Variants in TRPM8 observed in about 807,000 individuals in gnomAD.
TRPM8 encodes the protein TRPM8 cationic channel.
A neutral mutation model predicts 133.7 loss-of-function variants in TRPM8; 110 were observed. The ratio of observed to expected loss-of-function variants is 0.82; its 90% CI spans 0.70 to 0.96. TRPM8 has a LOEUF of 0.96. Among genes scored for constraint, TRPM8 ranks in the 40% least tolerant of loss-of-function variants. The pLI, the probability that TRPM8 is intolerant of heterozygous loss-of-function variation, is 0.00. For missense variants in TRPM8, 1,291 were observed against 1,379.5 expected (o/e 0.94, Z 1.02); for synonymous variants, 535 against 532.3 (o/e 1.01, Z -0.07).
chr2:233,948,606 G>T lies in TRPM8; in HGVS notation c.943-1343G>T, dbSNP rs1035810711. ...TGGAATGAAGATTTCTTGGCCTAGG[G>T]GGTAGGGGGAGACTGGAGAGCTGCT... is the stretch of plus-strand genomic sequence containing the variant. On this transcript the variant is annotated intron_variant, in intron 8 of 25. Coordinates refer to ENST00000324695, the MANE Select transcript of TRPM8 (RefSeq NM_024080.5). Among the ~76,000 whole-genome samples the T allele has an allele frequency of 5.9e-5, 9 of 152,326 alleles. No homozygotes were observed. In the South Asian group the frequency reaches 8.3e-4, roughly 14 times the overall value.
Position 234,014,583 on chromosome 2 carries a change from C to T in TRPM8, c.3286C>T (p.Leu1096=), listed in dbSNP as rs200301168. ...CAAGCTTAATGATCTCAAGGGTCTTCTGAAAGAGATTGCTAATAAAATCAA... is the reference window on the plus strand; with the variant it reads ...CAAGCTTAATGATCTCAAGGGTCTTTTGAAAGAGATTGCTAATAAAATCAA... ...DTKLNDLKGL[L]KEIANKIK is the part of the protein sequence containing the mutation. The change falls in exon 25 of 26, where the codon CTG becomes TTG. Residue 1096 remains leucine (L), a synonymous_variant. Transcript: ENST00000324695. The T allele has an allele frequency of 5.2e-6, 8 of 1,552,214 alleles. No homozygotes were observed. Among genetic ancestry groups the T allele is most frequent in the Non-Finnish European group, 6.9e-6 (8 of 1,152,172 alleles).
intron 2 of TRPM8, among the ~76,000 whole-genome samples, chr2:233,930,463 C>T (rs1318730965): frequency 1.3e-5 from 2 of 152,014 alleles, no homozygotes; most frequent in Non-Finnish European, 2.9e-5. Context: ...GAAAAATTTT[C>T]CATTTAGTTA....
intron 9 of TRPM8, among the ~76,000 whole-genome samples, chr2:233,950,489 C>T (rs575818300): frequency 6.6e-6 from 1 of 152,264 alleles, no homozygotes; most frequent in East Asian, 1.9e-4. Context: ...AACATATCAG[C>T]CTTACTGATG....
At chr2:233,927,860 C>CTCTTTCTTTT (rs1691583943) in intron 2 of TRPM8, among the ~76,000 whole-genome samples, 2 of 24,092 alleles carry the variant, frequency 8.3e-5, no homozygotes, top group Non-Finnish European at 6.7e-5. Context: ...TCCTTTCTTT[C>CTCTTTCTTTT]TCTTTCTTTC....
At chr2:233,975,326 G>C (rs1280487542) in intron 17 of TRPM8, among the ~76,000 whole-genome samples, 1 of 152,196 alleles carries the variant, frequency 6.6e-6, no homozygotes, top group African/African-American at 2.4e-5. Flanking sequence ...ACACTCAGGA[G>C]ACCAGCGCTG....
rs375681201 is a variant in TRPM8, at chr2:233,937,342, G to A, written c.192-11G>A. On this transcript the variant is annotated splice_polypyrimidine_tract_variant and intron_variant, in intron 3 of 25. Transcript: ENST00000324695. ...ATCCTTCCTTCCTGTCCACACCATC[G>A]TGCTTATCAGGGAGAATGTGTGCAA... 40 of 1,613,736 alleles carry A rather than the reference G, an allele frequency of 2.5e-5. No homozygotes were observed. Among genetic ancestry groups the A allele is most frequent in the African/African-American group, 2.4e-4 (18 of 74,958 alleles).
intron 11 of TRPM8, among the ~76,000 whole-genome samples, chr2:233,957,863 G>A (rs1691331139): frequency 6.6e-6 from 1 of 152,158 alleles, no homozygotes; most frequent in Non-Finnish European, 1.5e-5. Flanking sequence ...AGAACCAATG[G>A]TTCAGTGTTT....
chr2:233,996,881 T>A (rs939734684), intron 22 of TRPM8, among the ~76,000 whole-genome samples: 2 of 152,230 alleles, frequency 1.3e-5, no homozygotes, highest in Non-Finnish European at 2.9e-5. Flanking sequence ...AACCTTTAAA[T>A]CTGACTCCAG....
chr2:233,991,120 G>A (rs1692265741), intron 21 of TRPM8, among the ~76,000 whole-genome samples: 1 of 152,074 alleles, frequency 6.6e-6, no homozygotes, highest in South Asian at 2.1e-4. Context: ...TGTTAGTCTA[G>A]GGAGGAATCA....
chr2:233,963,344 T>A lies in TRPM8; in HGVS notation c.1716T>A (p.Asn572Lys), dbSNP rs774061112. ...TCTTCATCTGGGCCATTCTTCAGAATAAGAAGGAACTCTCCAAAGTCATTT... is the reference window on the plus strand; with the variant it reads ...TCTTCATCTGGGCCATTCTTCAGAAAAAGAAGGAACTCTCCAAAGTCATTT... ...QALFIWAILQNKKELSKVIWE... is the reference protein window; with the variant it reads ...QALFIWAILQKKKELSKVIWE... The change falls in exon 13 of 26, where the codon AAT (asparagine) becomes AAA (lysine). Residue 572 changes from asparagine to lysine, a missense_variant. By Grantham distance (94) the Asn-to-Lys change is moderately conservative (BLOSUM62 0). This residue lies in a region of TRPM8 where 963 missense variants were observed against 968.9 expected (regional missense o/e 0.99). Transcript: ENST00000324695. The A allele has an allele frequency of 1.2e-6, 2 of 1,613,444 alleles. No individual in the cohort carries two copies. Among genetic ancestry groups the A allele is most frequent in the Non-Finnish European group, 8.5e-7 (1 of 1,179,678 alleles).
chr2:234,011,034 A>G (rs1403233135), intron 24 of TRPM8, among the ~76,000 whole-genome samples: 6 of 152,216 alleles, frequency 3.9e-5, no homozygotes, highest in African/African-American at 1.4e-4. Context: ...GTCATATCCA[A>G]AAAAATCATT....
intron 5 of TRPM8, among the ~76,000 whole-genome samples, chr2:233,940,714 G>A (rs1000380128): frequency 6.6e-5 from 10 of 152,210 alleles, no homozygotes; most frequent in Non-Finnish European, 1.5e-4. Context: ...CCCGCTGTAC[G>A]TGCATGCAGT....
chr2:233,953,672 C>T lies in TRPM8; in HGVS notation c.1141-245C>T, dbSNP rs185996833. On this transcript the variant is annotated intron_variant, in intron 9 of 25. Coordinates refer to ENST00000324695, the MANE Select transcript of TRPM8 (RefSeq NM_024080.5). ...CACACACACACACACAGCACCTGCACGCAGATGCACACATCTCTAGTCAAA... is the reference window on the plus strand; with the variant it reads ...CACACACACACACACAGCACCTGCATGCAGATGCACACATCTCTAGTCAAA... The T allele has an allele frequency of 1.6e-4, 56 of 347,690 alleles. No individual in the cohort carries two copies. In the East Asian group the frequency reaches 2.5e-3, roughly 15 times the overall value. 21.5% of individuals were successfully genotyped at this position (347,690 alleles called of 1,614,324 possible).
chr2:234,007,108 A>G (rs1391267641), intron 23 of TRPM8, among the ~76,000 whole-genome samples, 156 bp downstream of exon 23: 1 of 152,192 alleles, frequency 6.6e-6, no homozygotes, highest in Non-Finnish European at 1.5e-5. Context: ...AAGATGACAA[A>G]CGCGTAAGTG....
intron 25 of TRPM8, 79 bp from the exon 26 acceptor site, chr2:234,017,209 CCCAGTATATTT>C: frequency 2.3e-6 from 1 of 435,434 alleles, no homozygotes; most frequent in Middle Eastern, 3.9e-4. Flanking sequence ...CCAGTATATT[CCCAGTATATTT>C]TGAAGCAAAC....
At chr2:233,977,027 CCTGATTTAGATTGTGT>C (rs1224997296) in intron 17 of TRPM8, among the ~76,000 whole-genome samples, 1 of 152,102 alleles carries the variant, frequency 6.6e-6, no homozygotes, top group Middle Eastern at 3.2e-3. Context: ...CAGGGTGTGA[CCTGATTTAGATTGTGT>C]CTGATTTAGA....
At chr2:233,940,924 G>T (rs1245366162) in intron 5 of TRPM8, among the ~76,000 whole-genome samples, 1 of 152,192 alleles carries the variant, frequency 6.6e-6, no homozygotes, top group East Asian at 1.9e-4. Flanking sequence ...GTAATTGGTG[G>T]TTTTTGCAGG....
chr2:233,927,960 CTTTCTTTCTT>C (rs1423960837), intron 2 of TRPM8, among the ~76,000 whole-genome samples: 1 of 49,172 alleles, frequency 2.0e-5, no homozygotes, highest in African/African-American at 1.6e-4. Flanking sequence ...CTCTCTCTCT[CTTTCTTTCTT>C]TCTTTCTTTT....
At chr2:233,981,975 T>C in intron 19 of TRPM8, 60 bp downstream of exon 19, 1 of 1,522,666 alleles carries the variant, frequency 6.6e-7, no homozygotes, top group Non-Finnish European at 8.8e-7. Flanking sequence ...GTTCTTTTAA[T>C]GGTCGATAGG....
Sources: allele counts gnomAD v4.1 joint callset (sites outside exome capture counted in the v4.1 genomes callset), GRCh38; gene constraint gnomAD v4.1.1; regional missense constraint gnomAD v4.1.1; transcripts MANE v1.5; gene names NCBI Gene and HGNC (gene_info 2026-07-23, HGNC 2026-07-21).